The following GLRA1 variants were observed in gnomAD, a reference collection of about 807,000 sequenced individuals.
GLRA1 encodes glycine receptor subunit alpha-1.
A neutral mutation model predicts 48.3 loss-of-function variants in GLRA1; 37 were observed. The observed-to-expected ratio is 0.77, with a 90% confidence interval of 0.59 to 1.01. GLRA1 has a LOEUF of 1.01. Ranked by LOEUF, GLRA1 falls within the 50% of genes least tolerant of loss-of-function variation. The pLI, the probability that GLRA1 is intolerant of heterozygous loss-of-function variation, is 0.00. For missense variants in GLRA1, 427 were observed against 571.0 expected (o/e 0.75, Z 2.57); for synonymous variants, 196 against 210.7 (o/e 0.93, Z 0.60).
intron 3 of GLRA1, among the ~76,000 whole-genome samples, chr5:151,865,954 A>G (rs1044381311): frequency 1.3e-5 from 2 of 152,202 alleles, no homozygotes; most frequent in African/African-American, 4.8e-5. Flanking sequence ...GCCGAAAGCT[A>G]AAGGCTGTTT....
intron 1 of GLRA1, among the ~76,000 whole-genome samples, chr5:151,893,980 A>T (rs1225216051): frequency 6.6e-6 from 1 of 152,226 alleles, no homozygotes; most frequent in African/African-American, 2.4e-5. Context: ...TCAATGTTAG[A>T]GGCTCAAAGG....
At chr5:151,875,878 G>T (rs1753614774) in intron 3 of GLRA1, among the ~76,000 whole-genome samples, 1 of 152,186 alleles carries the variant, frequency 6.6e-6, no homozygotes, top group Non-Finnish European at 1.5e-5. Flanking sequence ...GCCTGGGGAT[G>T]ATAACTGGCT....
intron 3 of GLRA1, among the ~76,000 whole-genome samples, chr5:151,875,348 T>C (rs1753596685): frequency 6.6e-6 from 1 of 152,100 alleles, no homozygotes; most frequent in Non-Finnish European, 1.5e-5. Context: ...GATATTTTAA[T>C]TTTTTTGTAG....
At chr5:151,914,585 G>A (rs1754693580) in intron 1 of GLRA1, among the ~76,000 whole-genome samples, 2 of 152,100 alleles carry the variant, frequency 1.3e-5, no homozygotes, top group Non-Finnish European at 2.9e-5. Context: ...AGACTATGCT[G>A]CCCTTCTTCT....
intron 1 of GLRA1, among the ~76,000 whole-genome samples, chr5:151,901,772 A>G (rs897124168): frequency 6.6e-6 from 1 of 152,232 alleles, no homozygotes; most frequent in Non-Finnish European, 1.5e-5. Context: ...AGTAATGGCT[A>G]TCATTCATGA....
At chr5:151,855,260 TGA>T in intron 5 of GLRA1, 83 bp from the exon 6 acceptor site, 1 of 1,351,186 alleles carries the variant, frequency 7.4e-7, no homozygotes, top group Non-Finnish European at 1.1e-6. Context: ...GGTTAGAGAC[TGA>T]GAGAGACATC....
At chr5:151,858,056 C>A (rs6878691) in intron 4 of GLRA1, among the ~76,000 whole-genome samples, 67,759 of 152,032 alleles carry the variant, frequency 0.45, 15,537 homozygotes, top group African/African-American at 0.56. Flanking sequence ...TGCTCTCCTG[C>A]AAAGCCAACC....
intron 3 of GLRA1, among the ~76,000 whole-genome samples, chr5:151,872,440 C>CTATTG (rs1158135524): frequency 6.7e-6 from 1 of 149,524 alleles, no homozygotes; most frequent in African/African-American, 2.6e-5. Context: ...GAAATAAACA[C>CTATTG]TATTGTAGGG....
chr5:151,899,611 G>A (rs1754314900), intron 1 of GLRA1, among the ~76,000 whole-genome samples: 1 of 152,106 alleles, frequency 6.6e-6, no homozygotes, highest in South Asian at 2.1e-4. Flanking sequence ...GGGCCCTGCT[G>A]GTCACCCTCA....
chr5:151,867,709 TAC>T (rs1753373240), intron 3 of GLRA1, among the ~76,000 whole-genome samples: 1 of 152,242 alleles, frequency 6.6e-6, no homozygotes, highest in Non-Finnish European at 1.5e-5. Flanking sequence ...TTTCTGGATT[TAC>T]ACAGTTAGGA....
intron 7 of GLRA1, among the ~76,000 whole-genome samples, chr5:151,838,156 A>G (rs765821045): frequency 3.9e-5 from 6 of 152,206 alleles, no homozygotes; most frequent in Non-Finnish European, 7.3e-5. Flanking sequence ...AAAGGAAAAT[A>G]TGAGAGCAGT....
chr5:151,839,100 A>G (rs77349743), intron 7 of GLRA1, among the ~76,000 whole-genome samples: 202 of 152,370 alleles, frequency 1.3e-3, no homozygotes, highest in African/African-American at 4.6e-3. Flanking sequence ...AGATAGTGGG[A>G]TAACATTTTC....
intron 1 of GLRA1, among the ~76,000 whole-genome samples, chr5:151,914,281 G>C (rs1375684768): frequency 6.6e-6 from 1 of 152,224 alleles, no homozygotes; most frequent in African/African-American, 2.4e-5. Flanking sequence ...TGTCAGGGGT[G>C]ATGCTGACGG....
In GLRA1 at chr5:151,855,103, G is replaced by T; in HGVS notation, c.634C>A (p.Leu212Met). The T allele has an allele frequency of 6.2e-7, 1 of 1,613,948 alleles. No homozygotes were observed. Among genetic ancestry groups the T allele is most frequent in the Non-Finnish European group, 8.5e-7 (1 of 1,179,852 alleles). ...TCTTCCTTCAAGATAAACTGGGGCA[G>T]AGTTAGTCCATCTGCTACCTGCACG... ...GAVQVADGLT[L>M]PQFILKEEKD... Residue 212 changes from leucine to methionine, a missense_variant, in exon 6 of 9, where the codon CTG (leucine) becomes ATG (methionine). Physicochemically the swap from Leu to Met is conservative, Grantham distance 15. This residue lies in a region of GLRA1 where 271 missense variants were observed against 434.9 expected (regional missense o/e 0.62). Transcript: ENST00000274576.
At chr5:151,827,108 A>C (rs2113285938) in intron 8 of GLRA1, among the ~76,000 whole-genome samples, 1 of 140,240 alleles carries the variant, frequency 7.1e-6, no homozygotes, top group Non-Finnish European at 1.5e-5. Context: ...CAATCCTCTC[A>C]CCTCAGTCTT....
intron 3 of GLRA1, among the ~76,000 whole-genome samples, chr5:151,868,374 G>A (rs1049621150): frequency 6.6e-6 from 1 of 152,206 alleles, no homozygotes; most frequent in African/African-American, 2.4e-5. Context: ...GCAAGAAACT[G>A]TGTTAAGACC....
At chr5:151,859,730 T>C in intron 4 of GLRA1, 55 bp downstream of exon 4, 1 of 1,281,522 alleles carries the variant, frequency 7.8e-7, no homozygotes, top group South Asian at 1.2e-5. Flanking sequence ...GCCCAGAAGG[T>C]AGTGGGGCAA....
chr5:151,888,310 GT>G (rs1753969859), intron 2 of GLRA1, among the ~76,000 whole-genome samples: 1 of 152,174 alleles, frequency 6.6e-6, no homozygotes, highest in Non-Finnish European at 1.5e-5. Context: ...GAGAAACTAG[GT>G]TTTTCCTTCA....
intron 1 of GLRA1, among the ~76,000 whole-genome samples, chr5:151,907,243 C>T (rs1754495860): frequency 6.6e-6 from 1 of 152,068 alleles, no homozygotes; most frequent in South Asian, 2.1e-4. Flanking sequence ...ACAGAAGTTG[C>T]TCTTTATATA....
Sources: allele counts gnomAD v4.1 joint callset (sites outside exome capture counted in the v4.1 genomes callset), GRCh38; gene constraint gnomAD v4.1.1; regional missense constraint gnomAD v4.1.1; transcripts MANE v1.5; gene names NCBI Gene and HGNC (gene_info 2026-07-23, HGNC 2026-07-21).